Variants in ETF1 observed in about 807,000 individuals in gnomAD.
ETF1 encodes eukaryotic peptide chain release factor subunit 1.
ETF1 carries 4 observed loss-of-function variants against 55.1 expected under a neutral mutation model. The ratio of observed to expected loss-of-function variants is 0.07; its 90% CI spans 0.04 to 0.17. The LOEUF is 0.17. Ranked by LOEUF, ETF1 falls within the 10% of genes least tolerant of loss-of-function variation. The probability of loss-of-function intolerance (pLI) is 1.00; values close to 1 mark genes in which losing one functional copy is unlikely to be tolerated. For synonymous variants in ETF1, 157 were observed against 182.3 expected (o/e 0.86, Z 1.12); for missense variants, 142 against 523.6 (o/e 0.27, Z 7.11).
At chr5:138,540,008 A>AT (rs1766107713) in intron 2 of ETF1, among the ~76,000 whole-genome samples, 1 of 152,218 alleles carries the variant, frequency 6.6e-6, no homozygotes, top group African/African-American at 2.4e-5. Context: ...TGTGCTTAAT[A>AT]AATTATTTTG....
chr5:138,526,135 T>C (rs970212777), intron 2 of ETF1, among the ~76,000 whole-genome samples: 7 of 151,846 alleles, frequency 4.6e-5, no homozygotes, highest in African/African-American at 1.7e-4. Context: ...TTACTGAGAG[T>C]GCATCATCTC....
chr5:138,541,719 A>C lies in ETF1; in HGVS notation c.86+1114T>G, dbSNP rs1287683728. The C allele has an allele frequency of 6.0e-6, 7 of 1,172,892 alleles. No homozygotes were observed. The East Asian group carries it at 2.4e-4, about 40-fold the overall frequency. 72.7% of individuals were successfully genotyped at this position (1,172,892 alleles called of 1,614,324 possible). Reference sequence around the variant, plus strand: ...GGCAGGCCATTCTACTATTCTAAGAATGCTCAGACATACAAGTATGTAATA... The same window carrying C: ...GGCAGGCCATTCTACTATTCTAAGACTGCTCAGACATACAAGTATGTAATA... On this transcript the variant is annotated intron_variant, in intron 2 of 10. Coordinates refer to ENST00000360541, the MANE Select transcript of ETF1 (RefSeq NM_004730.4).
At chr5:138,525,102 C>T (rs1765412601) in intron 2 of ETF1, among the ~76,000 whole-genome samples, 2 of 151,902 alleles carry the variant, frequency 1.3e-5, no homozygotes, top group South Asian at 4.2e-4. Flanking sequence ...TGTGTTTTTA[C>T]TAAATTATCA....
At chr5:138,515,239 C>A (rs966163022) in intron 4 of ETF1, among the ~76,000 whole-genome samples, 56 of 152,092 alleles carry the variant, frequency 3.7e-4, no homozygotes, top group African/African-American at 1.3e-3. Flanking sequence ...CCAGCCTAGC[C>A]AACATGGTGA....
At position 138,508,790 on chromosome 5, in the gene ETF1, C is replaced by G; in HGVS notation, c.1110G>C (p.Glu370Asp). The G allele has an allele frequency of 6.2e-7, 1 of 1,614,084 alleles. No homozygotes were observed. The highest frequency in any genetic ancestry group is 8.5e-7 in the Non-Finnish European group (1 of 1,179,984). ...KETGQEHELI[E>D]SMPLLEWFAN... ...CAAACCATTCCAACAGGGGCATGCT[C>G]TCGATAAGCTCATGTTCCTGTCCGG... The change falls in exon 10 of 11, where the codon GAG becomes GAC. Residue 370 changes from glutamate (E) to aspartate (D), a missense_variant. Glu to Asp is a conservative substitution (Grantham distance 45). Transcript: ENST00000360541.
At chr5:138,512,697 C>T in intron 6 of ETF1, 67 bp downstream of exon 6, 2 of 1,393,580 alleles carry the variant, frequency 1.4e-6, no homozygotes, top group Non-Finnish European at 1.9e-6. Context: ...TGTTCCAGTG[C>T]TCACACAGAG....
intron 2 of ETF1, among the ~76,000 whole-genome samples, chr5:138,524,023 A>G (rs1328454833): frequency 1.3e-5 from 2 of 152,094 alleles, no homozygotes; most frequent in Non-Finnish European, 2.9e-5. Context: ...CTAAAAATAC[A>G]AAAAGTTGCT....
chr5:138,519,252 T>C, intron 2 of ETF1: 1 of 945,136 alleles, frequency 1.1e-6, no homozygotes, highest in Non-Finnish European at 1.3e-6. Flanking sequence ...GGAGACGCCA[T>C]GACAGGATGA....
In ETF1 at chr5:138,512,778, C is replaced by G. The variant is rs374274196; in HGVS notation, c.718G>C (p.Asp240His). ...TTCTTACTTACCTGATCAAACATAT[C>G]AGATTGACTTAGTTCAGTTTTAAAG... ...ADFKTELSQS[D>H]MFDQRLQSKV... Residue 240 changes from aspartate (D) to histidine (H), a missense_variant, in exon 6 of 11, where the codon GAT (aspartate) becomes CAT (histidine). Transcript: ENST00000360541. 6.3e-7 allele frequency: 1 copy of G among 1,589,574 alleles called. No individual in the cohort carries two copies.
intron 5 of ETF1, 166 bp downstream of exon 5, chr5:138,513,402 T>C (rs1358684745): frequency 6.6e-6 from 2 of 300,908 alleles, no homozygotes; most frequent in African/African-American, 2.3e-5. Context: ...GTATTTTTAG[T>C]AGAGACAGGG....
At chr5:138,508,894 G>A (rs1764655824) in intron 9 of ETF1, 78 bp from the exon 10 acceptor site, 1 of 1,541,914 alleles carries the variant, frequency 6.5e-7, no homozygotes, top group Non-Finnish European at 8.7e-7. Context: ...ACAGCCCCTT[G>A]CCCACCTATC....
At chr5:138,521,141 T>C (rs1765215752) in intron 2 of ETF1, among the ~76,000 whole-genome samples, 1 of 152,164 alleles carries the variant, frequency 6.6e-6, no homozygotes, top group African/African-American at 2.4e-5. Context: ...AATGAAATAT[T>C]ATTCAGTCTT....
chr5:138,535,244 C>T (rs1197729801), intron 2 of ETF1, among the ~76,000 whole-genome samples: 1 of 151,944 alleles, frequency 6.6e-6, no homozygotes, highest in East Asian at 1.9e-4. Flanking sequence ...GCAACCATAC[C>T]CAGCCAATGT....
intron 2 of ETF1, among the ~76,000 whole-genome samples, chr5:138,521,758 G>A (rs1281121513): frequency 1.3e-5 from 2 of 152,052 alleles, no homozygotes; most frequent in East Asian, 1.9e-4. Flanking sequence ...TCGAACTCCC[G>A]GCCTCAGGTG....
At position 138,511,163 on chromosome 5, in the gene ETF1, CT is replaced by C. The variant is rs1561828643; in HGVS notation, c.899del (p.Lys300SerfsTer10). ...YFDEISQDTG[K>X]YCFGVEDTLK... Reference sequence around the variant, plus strand: ...GTGTATCTTCAACGCCAAAACAGTACTTGCCCGTGTCCTGGCTGATTTCATC... The same window carrying C: ...GTGTATCTTCAACGCCAAAACAGTACTGCCCGTGTCCTGGCTGATTTCATC... On this transcript the variant is annotated frameshift_variant, in exon 8 of 11. Coordinates refer to ENST00000360541, the MANE Select transcript of ETF1 (RefSeq NM_004730.4). LOFTEE classifies it high-confidence loss of function. 1 of 1,613,966 alleles carries C rather than the reference CT, an allele frequency of 6.2e-7. No homozygotes were observed. Among genetic ancestry groups the C allele is most frequent in the African/African-American group, 1.3e-5 (1 of 74,936 alleles).
chr5:138,541,730 T>C, intron 2 of ETF1: 2 of 790,092 alleles, frequency 2.5e-6, no homozygotes, highest in South Asian at 2.5e-5. Flanking sequence ...TGCTCAGACA[T>C]ACAAGTATGT....
At chr5:138,537,107 G>T (rs1048135676) in intron 2 of ETF1, among the ~76,000 whole-genome samples, 1 of 152,208 alleles carries the variant, frequency 6.6e-6, no homozygotes, top group Non-Finnish European at 1.5e-5. Context: ...TACAACGGCT[G>T]TTAGGACTAG....
intron 9 of ETF1, among the ~76,000 whole-genome samples, chr5:138,509,820 G>A (rs1267768870): frequency 2.7e-5 from 4 of 145,768 alleles, no homozygotes; most frequent in Non-Finnish European, 6.0e-5. Context: ...GCTTGAACTC[G>A]GGAGGTGGAG....
At chr5:138,535,904 C>T (rs1271637605) in intron 2 of ETF1, among the ~76,000 whole-genome samples, 1 of 114,678 alleles carries the variant, frequency 8.7e-6, no homozygotes, top group African/African-American at 3.0e-5. Context: ...AAAAAAAGAC[C>T]TTAATCATCT....
Sources: gnomAD v4.1 joint callset for allele counts (sites outside exome capture counted in the v4.1 genomes callset) on GRCh38, gnomAD v4.1.1 for gene constraint, MANE v1.5 for transcripts, NCBI Gene and HGNC (gene_info 2026-07-23, HGNC 2026-07-21) for gene names.